SLC24A2: variants seen among roughly 807,000 people sequenced by gnomAD.
SLC24A2 encodes the protein solute carrier family 24 member 2.
A neutral mutation model predicts 62.0 loss-of-function variants in SLC24A2; 36 were observed. The ratio of observed to expected loss-of-function variants is 0.58; its 90% CI spans 0.44 to 0.77. SLC24A2 has a LOEUF of 0.77. Ranked by LOEUF, SLC24A2 falls within the 30% of genes least tolerant of loss-of-function variation. The pLI is 0.00. For missense variants in SLC24A2, 846 were observed against 817.9 expected, an observed-to-expected ratio of 1.03 and a Z score of -0.42; for synonymous variants, 358 against 294.0, an observed-to-expected ratio of 1.22 and a Z score of -2.23.
At chr9:19,588,853 T>G (rs778114426) in intron 5 of SLC24A2, among the ~76,000 whole-genome samples, 9 of 152,022 alleles carry the variant, frequency 5.9e-5, no homozygotes, top group Admixed American at 2.0e-4. Context: ...CCCAGCTACC[T>G]GGGAGGCTGA....
the SLC24A2 span, among the ~76,000 whole-genome samples, chr9:20,300,961 A>G: frequency 2.0e-5 from 3 of 152,314 alleles, no homozygotes; most frequent in African/African-American, 7.2e-5. Context: ...AGTACAACAT[A>G]CACACACAAA....
the SLC24A2 span, among the ~76,000 whole-genome samples, chr9:19,858,426 T>C: frequency 1.3e-5 from 2 of 152,174 alleles, no homozygotes; most frequent in African/African-American, 4.8e-5. Flanking sequence ...GGAAATACCA[T>C]TGTAGACATA....
At chr9:19,990,986 T>C in the SLC24A2 span, among the ~76,000 whole-genome samples, 4 of 146,616 alleles carry the variant, frequency 2.7e-5, no homozygotes, top group East Asian at 7.8e-4. Flanking sequence ...TATATGTATG[T>C]ATTATATATG....
At chr9:19,640,973 T>C (rs1355516224) in intron 2 of SLC24A2, among the ~76,000 whole-genome samples, 3 of 152,214 alleles carry the variant, frequency 2.0e-5, no homozygotes, top group African/African-American at 7.2e-5. Context: ...AAATGACTGA[T>C]AGGATTTGAT....
chr9:19,615,368 G>A (rs1205214962), intron 4 of SLC24A2, among the ~76,000 whole-genome samples: 2 of 152,196 alleles, frequency 1.3e-5, no homozygotes, highest in Admixed American at 6.5e-5. Context: ...CATCAACTTG[G>A]TGATGTAACT....
At chr9:20,264,367 G>A in the SLC24A2 span, among the ~76,000 whole-genome samples, 1 of 152,218 alleles carries the variant, frequency 6.6e-6, no homozygotes, top group Non-Finnish European at 1.5e-5. Context: ...TCCACAGTGG[G>A]CAGGGCCACC....
At chr9:19,870,068 A>G in the SLC24A2 span, among the ~76,000 whole-genome samples, 6 of 152,152 alleles carry the variant, frequency 3.9e-5, no homozygotes, top group Non-Finnish European at 8.8e-5. Flanking sequence ...AAAATTTACA[A>G]TTCAGTCTTT....
At chr9:20,168,006 C>T in the SLC24A2 span, among the ~76,000 whole-genome samples, 1 of 151,924 alleles carries the variant, frequency 6.6e-6, no homozygotes, top group Non-Finnish European at 1.5e-5. Flanking sequence ...TTGTTTGACA[C>T]TGATCAGGGT....
chr9:19,659,804 C>A (rs1564022815), intron 2 of SLC24A2, among the ~76,000 whole-genome samples: 3 of 152,108 alleles, frequency 2.0e-5, no homozygotes, highest in African/African-American at 2.4e-5. Flanking sequence ...TGGAATGGTA[C>A]AAGTGAAATC....
the SLC24A2 span, among the ~76,000 whole-genome samples, chr9:19,854,640 T>C: frequency 6.6e-6 from 1 of 152,230 alleles, no homozygotes; most frequent in Non-Finnish European, 1.5e-5. Context: ...TCTAATTTTA[T>C]TGTGCTGTGG....
rs762868604 is a variant in SLC24A2 at position 19,550,259 on chromosome 9, C to G, written c.1357G>C (p.Glu453Gln). 13 of 1,614,092 alleles carry G rather than the reference C, an allele frequency of 8.1e-6. No individual in the cohort carries two copies. The highest frequency in any genetic ancestry group is 1.1e-5 in the Non-Finnish European group (13 of 1,179,976). The change falls in exon 8 of 11, where the codon GAG becomes CAG. Residue 453 changes from glutamate (E) to glutamine (Q), a missense_variant. Glu to Gln is a conservative substitution (Grantham distance 29). Transcript: ENST00000341998. Reference protein sequence around the residue: ...IEGAEAQTADEEEDQPLSLAW... With the variant: ...IEGAEAQTADQEEDQPLSLAW... ...AGGCTGAGAGGCTGGTCCTCCTCCT[C>G]ATCAGCGGTCTGTGGTAGAAAAAGA...
At chr9:19,915,333 A>G in the SLC24A2 span, among the ~76,000 whole-genome samples, 11 of 152,132 alleles carry the variant, frequency 7.2e-5, no homozygotes, top group African/African-American at 2.4e-4. Context: ...CCATTCATCA[A>G]TTGATAGACA....
the SLC24A2 span, among the ~76,000 whole-genome samples, chr9:20,117,275 C>A: frequency 7.2e-5 from 11 of 152,148 alleles, no homozygotes; most frequent in Non-Finnish European, 1.3e-4. Context: ...CCTTTCTTTC[C>A]TGTCCCAGAA....
chr9:19,729,976 A>G (rs1821288007), intron 2 of SLC24A2, among the ~76,000 whole-genome samples: 1 of 152,138 alleles, frequency 6.6e-6, no homozygotes, highest in South Asian at 2.1e-4. Context: ...ATCACTAGGT[A>G]CCCTATGAAT....
chr9:20,124,091 T>A, the SLC24A2 span, among the ~76,000 whole-genome samples: 1 of 152,184 alleles, frequency 6.6e-6, no homozygotes, highest in Non-Finnish European at 1.5e-5. Context: ...TACTTTCTAT[T>A]CATCCTTGAT....
chr9:19,548,402 T>A (rs890072214), intron 8 of SLC24A2, among the ~76,000 whole-genome samples: 1 of 152,224 alleles, frequency 6.6e-6, no homozygotes, highest in Non-Finnish European at 1.5e-5. Context: ...TTAACTTCTT[T>A]GTGCCTAAGT....
chr9:19,900,436 C>T, the SLC24A2 span, among the ~76,000 whole-genome samples: 7 of 152,180 alleles, frequency 4.6e-5, no homozygotes, highest in Non-Finnish European at 7.4e-5. Context: ...CTCTTCCCTA[C>T]TCGCCTATTA....
chr9:20,224,261 G>A, the SLC24A2 span, among the ~76,000 whole-genome samples: 1 of 151,716 alleles, frequency 6.6e-6, no homozygotes, highest in Non-Finnish European at 1.5e-5. Flanking sequence ...AAATAAGGTA[G>A]AATGTCTTTA....
the SLC24A2 span, among the ~76,000 whole-genome samples, chr9:19,855,753 A>G: frequency 6.6e-6 from 1 of 152,090 alleles, no homozygotes; most frequent in Admixed American, 6.5e-5. Flanking sequence ...GGAGAATCTG[A>G]TAATGTGTCT....
Sources: allele counts gnomAD v4.1 joint callset (sites outside exome capture counted in the v4.1 genomes callset), GRCh38; gene constraint gnomAD v4.1.1; transcripts MANE v1.5; gene names NCBI Gene and HGNC (gene_info 2026-07-23, HGNC 2026-07-21).